Variants in CATSPERB observed in about 807,000 individuals in gnomAD.
The protein encoded by CATSPERB is catsper channel auxiliary subunit beta, also known as cation channel sperm-associated auxiliary subunit beta.
A neutral mutation model predicts 128.3 loss-of-function variants in CATSPERB; 93 were observed. That is an observed-to-expected ratio of 0.72 (90% CI 0.61 to 0.86). The LOEUF is 0.86. Ranked by LOEUF, CATSPERB falls within the 40% of genes least tolerant of loss-of-function variation. The probability of loss-of-function intolerance (pLI) is 0.00; values close to 1 mark genes in which losing one functional copy is unlikely to be tolerated. For synonymous variants in CATSPERB, 381 were observed against 448.8 expected, an observed-to-expected ratio of 0.85 and a Z score of 1.91; for missense variants, 1,153 against 1,329.5, an observed-to-expected ratio of 0.87 and a Z score of 2.06.
At chr14:91,707,664 T>G (rs932107026) in intron 6 of CATSPERB, among the ~76,000 whole-genome samples, 2 of 138,916 alleles carry the variant, frequency 1.4e-5, no homozygotes, top group Non-Finnish European at 3.1e-5. Flanking sequence ...AATGGTGCAA[T>G]CCTGGCTCAC....
At chr14:91,601,100 C>T (rs1893601457) in intron 22 of CATSPERB, among the ~76,000 whole-genome samples, 2 of 152,170 alleles carry the variant, frequency 1.3e-5, no homozygotes, top group Non-Finnish European at 2.9e-5. Context: ...CTAAGGCTTA[C>T]TTTATTCATG....
chr14:91,638,459 C>T (rs1410745538), intron 16 of CATSPERB, among the ~76,000 whole-genome samples: 1 of 151,206 alleles, frequency 6.6e-6, no homozygotes, highest in African/African-American at 2.4e-5. Context: ...TTCAGTGGCA[C>T]GATCACAGCT....
intron 15 of CATSPERB, among the ~76,000 whole-genome samples, chr14:91,649,059 G>A (rs1894658532): frequency 6.7e-6 from 1 of 149,818 alleles, no homozygotes; most frequent in African/African-American, 2.5e-5. Context: ...AATTATCAGT[G>A]TCTTCTGACA....
chr14:91,588,450 T>A (rs948978497), intron 24 of CATSPERB, among the ~76,000 whole-genome samples: 1 of 152,116 alleles, frequency 6.6e-6, no homozygotes, highest in Non-Finnish European at 1.5e-5. Flanking sequence ...GTGCTTCGTG[T>A]TTTTGGCAGT....
chr14:91,729,590 A>G (rs1180570595), intron 1 of CATSPERB, 111 bp from the exon 2 acceptor site: 4 of 528,912 alleles, frequency 7.6e-6, no homozygotes, highest in East Asian at 3.3e-5. Context: ...TATTCTTAAT[A>G]TTTCACACTG....
At chr14:91,693,903 GC>G (rs1164651299) in intron 7 of CATSPERB, among the ~76,000 whole-genome samples, 1 of 151,940 alleles carries the variant, frequency 6.6e-6, no homozygotes, top group Non-Finnish European at 1.5e-5. Context: ...AGCATAAATT[GC>G]TCCTTTTACC....
At chr14:91,649,825 T>C (rs1046051631) in intron 15 of CATSPERB, among the ~76,000 whole-genome samples, 1 of 151,972 alleles carries the variant, frequency 6.6e-6, no homozygotes, top group African/African-American at 2.4e-5. Context: ...GTCTTTTAAA[T>C]TCTTGATTAT....
chr14:91,640,351 G>A (rs1363151016), intron 15 of CATSPERB, among the ~76,000 whole-genome samples: 2 of 139,150 alleles, frequency 1.4e-5, no homozygotes, highest in Admixed American at 1.4e-4. Flanking sequence ...CCACTAACTC[G>A]TCATCTAGCA....
At chr14:91,587,373 TG>T (rs1278433597) in intron 25 of CATSPERB, 97 bp from the exon 26 acceptor site, 9 of 737,352 alleles carry the variant, frequency 1.2e-5, no homozygotes, top group Non-Finnish European at 1.9e-5. Flanking sequence ...TCCCTATAGA[TG>T]CTGCATGAAA....
chr14:91,704,220 T>A (rs941395617), intron 7 of CATSPERB, among the ~76,000 whole-genome samples: 1 of 152,182 alleles, frequency 6.6e-6, no homozygotes, highest in Non-Finnish European at 1.5e-5. Flanking sequence ...TAATGTGGTA[T>A]TTCAAGAACA....
chr14:91,622,823 C>T (rs188041192), intron 18 of CATSPERB, among the ~76,000 whole-genome samples: 31 of 151,902 alleles, frequency 2.0e-4, no homozygotes, highest in African/African-American at 6.5e-4. Context: ...CATAATTTTT[C>T]GAACCCATTC....
intron 20 of CATSPERB, 114 bp from the exon 21 acceptor site, chr14:91,610,791 G>T: frequency 1.0e-6 from 1 of 983,254 alleles, no homozygotes; most frequent in South Asian, 1.6e-5. Flanking sequence ...AAATGTGGCT[G>T]TATTTGGAGA....
At chr14:91,616,968 T>A (rs546590955) in intron 20 of CATSPERB, among the ~76,000 whole-genome samples, 20 of 152,262 alleles carry the variant, frequency 1.3e-4, no homozygotes, top group Middle Eastern at 6.8e-3. Context: ...GGTCTTGAAC[T>A]GCCGACCTCA....
intron 15 of CATSPERB, among the ~76,000 whole-genome samples, chr14:91,644,225 T>C (rs1566716115): frequency 1.6e-5 from 2 of 122,372 alleles, no homozygotes; most frequent in African/African-American, 3.1e-5. Flanking sequence ...AAGTTAATAT[T>C]GTTATGTGTG....
chr14:91,651,428 T>G (rs888539658), intron 15 of CATSPERB, among the ~76,000 whole-genome samples: 4 of 152,244 alleles, frequency 2.6e-5, no homozygotes, highest in Non-Finnish European at 4.4e-5. Flanking sequence ...CTATCACTGT[T>G]GCTCCCTTTA....
chr14:91,599,545 C>CAAA (rs36175924), intron 22 of CATSPERB, among the ~76,000 whole-genome samples: 9,273 of 113,862 alleles, frequency 0.081, 1,033 homozygotes, highest in East Asian at 0.39. Flanking sequence ...GGCGGCAGAG[C>CAAA]AAAAAAAAAA....
At chr14:91,658,203 T>G (rs1894818167) in intron 15 of CATSPERB, among the ~76,000 whole-genome samples, 1 of 152,052 alleles carries the variant, frequency 6.6e-6, no homozygotes, top group African/African-American at 2.4e-5. Context: ...TATTCAGCCA[T>G]AAAAAGAATG....
chr14:91,593,226 A>C (rs565524998), intron 22 of CATSPERB, among the ~76,000 whole-genome samples: 2 of 152,246 alleles, frequency 1.3e-5, no homozygotes, highest in Non-Finnish European at 2.9e-5. Context: ...GTGGGGTGGG[A>C]GCTCCCACAC....
intron 11 of CATSPERB, among the ~76,000 whole-genome samples, chr14:91,676,209 T>C (rs1482409460): frequency 6.6e-6 from 1 of 152,188 alleles, no homozygotes; most frequent in Non-Finnish European, 1.5e-5. Flanking sequence ...TACACAGGCA[T>C]GCCTATTGGG....
Sources: gnomAD v4.1 joint callset for allele counts (sites outside exome capture counted in the v4.1 genomes callset) on GRCh38, gnomAD v4.1.1 for gene constraint, MANE v1.5 for transcripts, NCBI Gene and HGNC (gene_info 2026-07-23, HGNC 2026-07-21) for gene names.